The following IMMP2L variants were observed in gnomAD, a reference collection of about 807,000 sequenced individuals.
IMMP2L encodes the protein inner mitochondrial membrane peptidase subunit 2.
In IMMP2L, 18 loss-of-function variants were observed where a neutral mutation model predicts 19.3. The ratio of observed to expected loss-of-function variants is 0.93; its 90% confidence interval spans 0.64 to 1.38. IMMP2L has a LOEUF of 1.38. IMMP2L is among the 40% of genes most tolerant of loss of function. The probability of loss-of-function intolerance (pLI) is 0.00; values close to 1 mark genes in which losing one functional copy is unlikely to be tolerated. For synonymous variants in IMMP2L, 76 were observed against 73.0 expected (o/e 1.04, Z -0.21); for missense variants, 233 against 218.2 (o/e 1.07, Z -0.43).
intron 3 of IMMP2L, among the ~76,000 whole-genome samples, chr7:111,073,712 C>G (rs1393943179): frequency 6.6e-6 from 1 of 152,184 alleles, no homozygotes; most frequent in East Asian, 1.9e-4. Flanking sequence ...GAGGCATCTT[C>G]TGTTAACTCT....
intron 5 of IMMP2L, 55 bp from the exon 6 acceptor site, chr7:110,663,776 A>C: frequency 8.0e-7 from 1 of 1,242,676 alleles, no homozygotes; most frequent in East Asian, 2.6e-5. Context: ...TATAAGAATC[A>C]TTATTAATAG....
At chr7:111,110,442 G>A (rs756442816) in intron 3 of IMMP2L, among the ~76,000 whole-genome samples, 4 of 151,938 alleles carry the variant, frequency 2.6e-5, no homozygotes, top group Non-Finnish European at 4.4e-5. Flanking sequence ...ACAATACCAG[G>A]AATGATCACA....
intron 5 of IMMP2L, among the ~76,000 whole-genome samples, chr7:110,683,367 A>G (rs1332761315): frequency 6.6e-6 from 1 of 152,136 alleles, no homozygotes; most frequent in African/African-American, 2.4e-5. Context: ...GCTGACTTTT[A>G]AATGAATTTC....
rs769280950 is a variant in IMMP2L, at chr7:110,663,608, C to T, written c.522G>A (p.Glu174=). The change falls in exon 6 of 6, where the codon GAG becomes GAA. Residue 174 remains glutamate (E), a synonymous_variant. Coordinates refer to ENST00000405709, the MANE Select transcript of IMMP2L (RefSeq NM_032549.4). ...CTCAGGTAGATTCATGCAGTCATTCCTCTTCTCTCTGTACTGGTAAGCGCT... is the reference window on the plus strand; with the variant it reads ...CTCAGGTAGATTCATGCAGTCATTCTTCTTCTCTCTGTACTGGTAAGCGCT... ...PPERLPVQRE[E]E 6.2e-7 allele frequency: 1 copy of T among 1,613,564 alleles called. No homozygotes were observed. Among genetic ancestry groups the T allele is most frequent in the Non-Finnish European group, 8.5e-7 (1 of 1,179,662 alleles).
At chr7:110,783,184 A>G (rs1799855585) in intron 5 of IMMP2L, among the ~76,000 whole-genome samples, 1 of 151,832 alleles carries the variant, frequency 6.6e-6, no homozygotes, top group African/African-American at 2.4e-5. Context: ...AGGGAAAATG[A>G]TAGCATGCTA....
chr7:110,663,340 A>C lies in IMMP2L; in HGVS notation c.*262T>G, dbSNP rs1791204808. On this transcript the variant is annotated 3_prime_UTR_variant, in exon 6 of 6. Transcript: ENST00000405709. The stretch of plus-strand genomic sequence containing the variant: ...CCCCATTAAGACATGTGGGTGCAAT[A>C]TTTTTATATTCCCAAAGGTCTGCAT... The C allele has an allele frequency of 3.4e-6, 1 of 295,234 alleles. No individual in the cohort carries two copies. The highest frequency in any genetic ancestry group is 4.7e-5 in the Admixed American group (1 of 21,078). 18.3% of individuals were successfully genotyped at this position (295,234 alleles called of 1,614,324 possible).
chr7:110,675,409 A>T (rs142080401), intron 5 of IMMP2L, among the ~76,000 whole-genome samples: 1 of 152,030 alleles, frequency 6.6e-6, no homozygotes, highest in South Asian at 2.1e-4. Context: ...TCTCCCCCCA[A>T]ATGCAACCGT....
intron 5 of IMMP2L, among the ~76,000 whole-genome samples, chr7:110,761,088 A>C (rs1453927375): frequency 6.6e-6 from 1 of 152,160 alleles, no homozygotes; most frequent in African/African-American, 2.4e-5. Flanking sequence ...GCTGAGATTC[A>C]AAGCTGGTCC....
intron 1 of IMMP2L, among the ~76,000 whole-genome samples, chr7:111,537,664 T>C (rs1022299179): frequency 6.6e-6 from 1 of 150,856 alleles, no homozygotes; most frequent in Non-Finnish European, 1.5e-5. Flanking sequence ...GCCTCCCAAG[T>C]AGCGGGAACC....
intron 3 of IMMP2L, among the ~76,000 whole-genome samples, chr7:111,308,076 G>A (rs952778600): frequency 1.3e-5 from 2 of 151,742 alleles, no homozygotes; most frequent in East Asian, 1.9e-4. Flanking sequence ...ATGCTTGTGC[G>A]TATCTGTCCA....
chr7:110,768,556 T>A (rs376107325), intron 5 of IMMP2L, among the ~76,000 whole-genome samples: 1 of 152,162 alleles, frequency 6.6e-6, no homozygotes, highest in Non-Finnish European at 1.5e-5. Context: ...AATGAACTAC[T>A]TTTGGCCCCA....
chr7:110,810,993 T>C (rs1801996427), intron 5 of IMMP2L, among the ~76,000 whole-genome samples: 1 of 151,902 alleles, frequency 6.6e-6, no homozygotes, highest in Admixed American at 6.6e-5. Flanking sequence ...GTACCTACCC[T>C]GGGGTGACAG....
intron 3 of IMMP2L, among the ~76,000 whole-genome samples, chr7:111,212,161 T>C (rs1811392282): frequency 6.6e-6 from 1 of 152,116 alleles, no homozygotes; most frequent in Non-Finnish European, 1.5e-5. Context: ...TCTCTCTCTG[T>C]CTCTATCTCT....
intron 1 of IMMP2L, among the ~76,000 whole-genome samples, chr7:111,550,404 A>G (rs1003993344): frequency 6.6e-6 from 1 of 152,200 alleles, no homozygotes; most frequent in Non-Finnish European, 1.5e-5. Context: ...CCAAACCCAC[A>G]AAATGCACTA....
At chr7:111,141,486 T>G (rs963845327) in intron 3 of IMMP2L, among the ~76,000 whole-genome samples, 1 of 151,886 alleles carries the variant, frequency 6.6e-6, no homozygotes, top group African/African-American at 2.4e-5. Context: ...AATCACTGCC[T>G]TAGCTTTATC....
At chr7:111,003,588 T>C (rs1823959072) in intron 3 of IMMP2L, among the ~76,000 whole-genome samples, 1 of 152,066 alleles carries the variant, frequency 6.6e-6, no homozygotes, top group African/African-American at 2.4e-5. Flanking sequence ...CACAGCTTCC[T>C]GCAGCCTCGA....
chr7:111,078,809 C>A (rs1003062245), intron 3 of IMMP2L, among the ~76,000 whole-genome samples: 1 of 152,184 alleles, frequency 6.6e-6, no homozygotes, highest in Non-Finnish European at 1.5e-5. Context: ...CAGCTCACTG[C>A]AACCTCCACC....
chr7:111,536,840 G>A (rs1381446202), intron 1 of IMMP2L, among the ~76,000 whole-genome samples: 1 of 152,084 alleles, frequency 6.6e-6, no homozygotes, highest in Non-Finnish European at 1.5e-5. Context: ...CAAAAAGCTT[G>A]TGACTTTGAA....
intron 3 of IMMP2L, among the ~76,000 whole-genome samples, chr7:111,263,562 A>G (rs1817538847): frequency 2.0e-5 from 3 of 152,140 alleles, no homozygotes; most frequent in Non-Finnish European, 2.9e-5. Context: ...CATTGGATAT[A>G]TGAGTCTGGA....
Sources: gnomAD v4.1 joint callset for allele counts (sites outside exome capture counted in the v4.1 genomes callset) on GRCh38, gnomAD v4.1.1 for gene constraint, MANE v1.5 for transcripts, NCBI Gene and HGNC (gene_info 2026-07-23, HGNC 2026-07-21) for gene names.